The following FHOD3 variants were observed in gnomAD, a reference collection of about 807,000 sequenced individuals.
FHOD3 encodes FH1/FH2 domain-containing protein 3.
Under a neutral mutation model 173.0 loss-of-function variants are expected in FHOD3, and 90 were observed. The observed-to-expected ratio is 0.52, with a 90% CI of 0.44 to 0.62. The LOEUF (loss-of-function observed/expected upper bound fraction) is 0.62. Among genes scored for constraint, FHOD3 ranks in the 20% least tolerant of loss-of-function variants. The pLI, the probability that FHOD3 is intolerant of heterozygous loss-of-function variation, is 0.00. For synonymous variants in FHOD3, 828 were observed against 823.0 expected (o/e 1.01, Z -0.10); for missense variants, 1,945 against 2,034.7 (o/e 0.96, Z 0.85).
chr18:36,489,501 G>A (rs1164048216), intron 3 of FHOD3, among the ~76,000 whole-genome samples: 2 of 152,062 alleles, frequency 1.3e-5, no homozygotes, highest in Non-Finnish European at 2.9e-5. Flanking sequence ...ACGATATCCT[G>A]TCTCTACAAA....
At chr18:36,396,102 A>G (rs2146571654) in intron 3 of FHOD3, among the ~76,000 whole-genome samples, 1 of 152,268 alleles carries the variant, frequency 6.6e-6, no homozygotes, top group South Asian at 2.1e-4. Context: ...TTTCGTATAT[A>G]AAGTATTGCT....
intron 5 of FHOD3, among the ~76,000 whole-genome samples, chr18:36,563,376 C>T (rs1310651969): frequency 3.3e-5 from 5 of 152,168 alleles, no homozygotes; most frequent in Admixed American, 6.5e-5. Context: ...AATACACCCC[C>T]GCAGGGGCTT....
At chr18:36,697,652 T>C (rs1178971568) in intron 17 of FHOD3, among the ~76,000 whole-genome samples, 1 of 152,224 alleles carries the variant, frequency 6.6e-6, no homozygotes, top group Non-Finnish European at 1.5e-5. Flanking sequence ...ATATACGGCC[T>C]ATATGGCCAT....
chr18:36,755,408 T>C (rs1321150618), intron 25 of FHOD3, 97 bp downstream of exon 25: 4 of 604,434 alleles, frequency 6.6e-6, no homozygotes, highest in African/African-American at 3.4e-5. Context: ...TTTTTTTTTT[T>C]TTTTTTTTTT....
In FHOD3 at chr18:36,780,188, G is replaced by A. The variant is rs2043969810; in HGVS notation, c.*658G>A. ...TTGGAACGGCCTTCAGATCCTTTGG[G>A]CTGTATTTTGTTAATAGAGTGAGTA... is the stretch of plus-strand genomic sequence containing the variant. On this transcript the variant is annotated 3_prime_UTR_variant, in exon 29 of 29. Coordinates refer to ENST00000590592, the MANE Select transcript of FHOD3 (RefSeq NM_001281740.3). The A allele has an allele frequency of 8.1e-7, 1 of 1,231,726 alleles. No individual in the cohort carries two copies. The highest frequency in any genetic ancestry group is 1.6e-5 in the African/African-American group (1 of 64,502). 76.3% of individuals were successfully genotyped at this position (1,231,726 alleles called of 1,614,324 possible).
intron 18 of FHOD3, chr18:36,709,603 A>T: frequency 1.8e-6 from 1 of 563,606 alleles, no homozygotes; most frequent in East Asian, 2.9e-5. Context: ...CAGCCCCCAA[A>T]CTGTCTGCCA....
At chr18:36,369,726 A>G (rs2047085374) in intron 2 of FHOD3, among the ~76,000 whole-genome samples, 1 of 152,130 alleles carries the variant, frequency 6.6e-6, no homozygotes, top group South Asian at 2.1e-4. Context: ...TGATTTCTCA[A>G]TATTTTCTTA....
At chr18:36,478,900 A>C (rs2053733187) in intron 3 of FHOD3, among the ~76,000 whole-genome samples, 1 of 152,166 alleles carries the variant, frequency 6.6e-6, no homozygotes, top group African/African-American at 2.4e-5. Context: ...CTAGACTAAG[A>C]CTTGAGTTCT....
rs773196842 is a variant in FHOD3 at position 36,760,758 on chromosome 18, C to G, written c.4600C>G (p.Arg1534Gly). 3 of 1,610,820 alleles carry G rather than the reference C, an allele frequency of 1.9e-6. No homozygotes were observed. Among genetic ancestry groups the G allele is most frequent in the African/African-American group, 2.7e-5 (2 of 74,904 alleles). Reference protein sequence around the residue: ...VEDATPALGVRTRSRASRGST... With the variant: ...VEDATPALGVGTRSRASRGST... ...GGACGCCACCCCCGCGCTGGGCGTC[C>G]GCACACGCAGCCGAGCAAGCCGAGG... The change falls in exon 27 of 29, where the codon CGC (arginine) becomes GGC (glycine). Residue 1534 changes from arginine to glycine, a missense_variant. Coordinates refer to ENST00000590592, the MANE Select transcript of FHOD3 (RefSeq NM_001281740.3).
rs75033239 is a variant in FHOD3, at chr18:36,594,474, C to T, written c.607-313C>T. ...AGACGTAATCGATTCAGCACATACT[C>T]GTGTTTGAGAGTTGCCAGGTGTGAG... On this transcript the variant is annotated intron_variant, in intron 6 of 28. Coordinates refer to ENST00000590592, the MANE Select transcript of FHOD3 (RefSeq NM_001281740.3). 0.023 allele frequency among the ~76,000 whole-genome samples: 3,524 copies of T among 152,204 alleles called. 146 individuals carry two copies. Among genetic ancestry groups the T allele is most frequent in the African/African-American group, 0.081 (3,369 of 41,500 alleles).
At chr18:36,391,163 G>A (rs1035125182) in intron 3 of FHOD3, among the ~76,000 whole-genome samples, 1 of 152,204 alleles carries the variant, frequency 6.6e-6, no homozygotes, top group African/African-American at 2.4e-5. Flanking sequence ...ACTGTGTGAA[G>A]GGCACACTTC....
chr18:36,617,838 A>AT (rs1462562360), intron 9 of FHOD3, among the ~76,000 whole-genome samples: 1 of 151,786 alleles, frequency 6.6e-6, no homozygotes, highest in Non-Finnish European at 1.5e-5. Context: ...TGGTAACTAT[A>AT]TTTTTTTCTA....
chr18:36,544,151 A>G (rs1359748249), intron 5 of FHOD3, among the ~76,000 whole-genome samples: 1 of 152,188 alleles, frequency 6.6e-6, no homozygotes, highest in Non-Finnish European at 1.5e-5. Context: ...ATCATTGAAT[A>G]TTAGAGCAGC....
chr18:36,539,555 G>A (rs558257021), intron 5 of FHOD3, among the ~76,000 whole-genome samples: 3 of 152,284 alleles, frequency 2.0e-5, no homozygotes, highest in Admixed American at 6.5e-5. Flanking sequence ...TGCTGTGGAG[G>A]TGGGCACTGC....
At chr18:36,713,465 T>C (rs2040282157) in intron 18 of FHOD3, among the ~76,000 whole-genome samples, 1 of 152,172 alleles carries the variant, frequency 6.6e-6, no homozygotes, top group African/African-American at 2.4e-5. Context: ...GAAGAAACAA[T>C]GTACTTGGAA....
At chr18:36,359,846 T>C (rs2046526513) in intron 2 of FHOD3, among the ~76,000 whole-genome samples, 2 of 152,228 alleles carry the variant, frequency 1.3e-5, no homozygotes, top group Admixed American at 1.3e-4. Context: ...ATAATGTATC[T>C]AAAACGTTAA....
In FHOD3 at chr18:36,730,816, T is replaced by A; in HGVS notation, c.3576+12T>A. ...AAGAAGGAATCGAGGTGAGGGAAGC[T>A]CTATTAAGCATTATTTGTATTTTAT... On this transcript the variant is annotated intron_variant, in intron 20 of 28. Transcript: ENST00000590592. 6.2e-7 allele frequency: 1 copy of A among 1,612,220 alleles called. No homozygotes were observed.
chr18:36,701,642 C>T (rs753894857), intron 17 of FHOD3, among the ~76,000 whole-genome samples: 15 of 152,244 alleles, frequency 9.9e-5, no homozygotes, highest in Admixed American at 2.6e-4. Flanking sequence ...CTGATTCCAA[C>T]GTGCCCCTTG....
intron 1 of FHOD3, among the ~76,000 whole-genome samples, chr18:36,339,308 G>A: frequency 6.6e-6 from 1 of 152,118 alleles, no homozygotes; most frequent in East Asian, 1.9e-4. Context: ...GATGAGGGCA[G>A]GCAGCAGCCA....
Sources: gnomAD v4.1 joint callset for allele counts (sites outside exome capture counted in the v4.1 genomes callset) on GRCh38, gnomAD v4.1.1 for gene constraint, MANE v1.5 for transcripts, NCBI Gene and HGNC (gene_info 2026-07-23, HGNC 2026-07-21) for gene names.